LYRM4: variants seen among roughly 807,000 people sequenced by gnomAD.
LYRM4 encodes the protein LYR motif-containing protein 4.
LYRM4 carries 9 observed loss-of-function variants against 11.7 expected under a neutral mutation model. That is an observed-to-expected ratio of 0.77 (90% CI 0.46 to 1.34). The LOEUF (loss-of-function observed/expected upper bound fraction) is 1.34. Ranked by LOEUF, LYRM4 falls within the 40% of genes most tolerant of loss-of-function variation. The pLI is 0.00. For missense variants in LYRM4, 133 were observed against 112.5 expected (o/e 1.18, Z -0.82); for synonymous variants, 42 against 40.4 (o/e 1.04, Z -0.15).
the LYRM4 span, among the ~76,000 whole-genome samples, chr6:5,065,230 G>T: frequency 3.3e-5 from 5 of 151,308 alleles, no homozygotes; most frequent in African/African-American, 1.2e-4. Flanking sequence ...ATATTCCATT[G>T]TCTAGATATA....
At chr6:5,131,239 C>T (rs1581339654) in intron 2 of LYRM4, among the ~76,000 whole-genome samples, 1 of 151,946 alleles carries the variant, frequency 6.6e-6, no homozygotes, top group Non-Finnish European at 1.5e-5. Context: ...AAGACTGTAG[C>T]GAAGTATATA....
At chr6:5,044,595 C>T in the LYRM4 span, among the ~76,000 whole-genome samples, 1 of 152,156 alleles carries the variant, frequency 6.6e-6, no homozygotes, top group South Asian at 2.1e-4. Flanking sequence ...AAAAAGGCGG[C>T]CATGGTTTCT....
At position 5,186,537 on chromosome 6, in the gene LYRM4, C is replaced by G. The variant is rs73719735; in HGVS notation, c.207+30081G>C. The G allele has an allele frequency of 7.3e-4, 702 of 965,236 alleles. 8 individuals carry two copies. In the African/African-American group the frequency reaches 0.012, roughly 16 times the overall value. 59.8% of individuals were successfully genotyped at this position (965,236 alleles called of 1,614,324 possible). On this transcript the variant is annotated intron_variant, in intron 2 of 2. Coordinates refer to ENST00000330636, the MANE Select transcript of LYRM4 (RefSeq NM_020408.6). ...CTGAACTCCCATCTCCTTTCTTATA[C>G]CAAAATAAATTCAAATTACTTCAAA...
chr6:5,217,447 C>T (rs1334229551), intron 1 of LYRM4, among the ~76,000 whole-genome samples: 1 of 152,204 alleles, frequency 6.6e-6, no homozygotes, highest in Non-Finnish European at 1.5e-5. Flanking sequence ...GGGTTTGTAG[C>T]CTTGCTCCAG....
the LYRM4 span, chr6:5,085,120 G>C: frequency 7.6e-6 from 2 of 263,046 alleles, no homozygotes; most frequent in East Asian, 1.8e-4. Context: ...CAGGGAGCCC[G>C]CGAACGACAG....
chr6:5,101,496 T>C (rs1477513259), downstream of LYRM4, among the ~76,000 whole-genome samples: 2 of 152,206 alleles, frequency 1.3e-5, no homozygotes, highest in Admixed American at 1.3e-4. Context: ...TTTTTATGAA[T>C]GAGGAAACAG....
chr6:5,040,398 G>T, the LYRM4 span, among the ~76,000 whole-genome samples: 39 of 119,116 alleles, frequency 3.3e-4, no homozygotes, highest in South Asian at 4.7e-3. Context: ...CATACATAAA[G>T]AAATTTCTTT....
intron 2 of LYRM4, among the ~76,000 whole-genome samples, chr6:5,213,088 A>G (rs1457230173): frequency 6.6e-6 from 1 of 152,218 alleles, no homozygotes; most frequent in Non-Finnish European, 1.5e-5. Context: ...ATACCATCGG[A>G]ACAAAATGGG....
intron 1 of LYRM4, among the ~76,000 whole-genome samples, chr6:5,255,803 C>G (rs574889613): frequency 1.3e-5 from 2 of 152,178 alleles, no homozygotes; most frequent in East Asian, 3.9e-4. Flanking sequence ...GCCTCAGATG[C>G]CTAGCACCCC....
chr6:5,135,991 G>A (rs1052118501), intron 2 of LYRM4, among the ~76,000 whole-genome samples: 4 of 152,144 alleles, frequency 2.6e-5, no homozygotes, highest in African/African-American at 9.7e-5. Flanking sequence ...CGCCGTAAGT[G>A]GAATCATACA....
At chr6:5,163,980 T>C (rs987285821) in intron 2 of LYRM4, among the ~76,000 whole-genome samples, 15 of 152,162 alleles carry the variant, frequency 9.9e-5, no homozygotes, top group Non-Finnish European at 1.9e-4. Context: ...TCTATAAACA[T>C]GGAATATGCT....
chr6:5,111,768 C>T (rs1374488364), intron 2 of LYRM4, among the ~76,000 whole-genome samples: 1 of 152,228 alleles, frequency 6.6e-6, no homozygotes, highest in African/African-American at 2.4e-5. Flanking sequence ...GCAGGAGGAA[C>T]AGGACAGCTG....
the LYRM4 span, among the ~76,000 whole-genome samples, chr6:5,097,539 T>C: frequency 0.64 from 96,759 of 152,090 alleles, 31,610 homozygotes; most frequent in East Asian, 0.8. Flanking sequence ...TTTGTAGAGA[T>C]GGCATCTCAC....
At chr6:5,201,916 C>T (rs1761415759) in intron 2 of LYRM4, among the ~76,000 whole-genome samples, 1 of 152,194 alleles carries the variant, frequency 6.6e-6, no homozygotes, top group African/African-American at 2.4e-5. Context: ...GAGTCTTAAG[C>T]TCCTTAACCT....
At chr6:5,069,518 G>T in the LYRM4 span, among the ~76,000 whole-genome samples, 1 of 151,190 alleles carries the variant, frequency 6.6e-6, no homozygotes, top group Non-Finnish European at 1.5e-5. Context: ...GTCTTGCTCT[G>T]TCACTAGGCT....
chr6:5,063,401 C>T, the LYRM4 span, among the ~76,000 whole-genome samples: 4 of 151,596 alleles, frequency 2.6e-5, no homozygotes, highest in Non-Finnish European at 5.9e-5. Context: ...TTTCCAGCCC[C>T]ACAAGCCTTT....
chr6:5,161,547 G>C (rs564643857), intron 2 of LYRM4, among the ~76,000 whole-genome samples: 2 of 152,256 alleles, frequency 1.3e-5, no homozygotes, highest in East Asian at 3.9e-4. Flanking sequence ...TTTTGTTACT[G>C]AAGAGGAGAG....
intron 2 of LYRM4, among the ~76,000 whole-genome samples, chr6:5,166,915 A>G (rs1025344544): frequency 6.6e-6 from 1 of 152,156 alleles, no homozygotes; most frequent in Non-Finnish European, 1.5e-5. Flanking sequence ...CAAAACCAAA[A>G]AGCCATTCAA....
intron 1 of LYRM4, among the ~76,000 whole-genome samples, chr6:5,241,829 C>G (rs2127757499): frequency 6.6e-6 from 1 of 150,476 alleles, no homozygotes; most frequent in East Asian, 1.9e-4. Context: ...GACAGGAAAA[C>G]AGGCCGTGGA....
Sources: allele counts gnomAD v4.1 joint callset (sites outside exome capture counted in the v4.1 genomes callset), GRCh38; gene constraint gnomAD v4.1.1; transcripts MANE v1.5; gene names NCBI Gene and HGNC (gene_info 2026-07-23, HGNC 2026-07-21).